The following KCNQ3 variants were observed in gnomAD, a reference collection of about 807,000 sequenced individuals.
KCNQ3 encodes potassium voltage-gated channel subfamily KQT member 3.
A neutral mutation model predicts 92.5 loss-of-function variants in KCNQ3; 30 were observed. The ratio of observed to expected loss-of-function variants is 0.32; its 90% CI spans 0.24 to 0.44. The LOEUF (loss-of-function observed/expected upper bound fraction) is 0.44, where lower values mean the gene tolerates loss of function less well. Ranked by LOEUF, KCNQ3 falls within the 20% of genes least tolerant of loss-of-function variation. The pLI is 1.00. For synonymous variants in KCNQ3, 450 were observed against 468.8 expected (o/e 0.96, Z 0.52); for missense variants, 913 against 1,140.3 (o/e 0.80, Z 2.87).
intron 1 of KCNQ3, among the ~76,000 whole-genome samples, chr8:132,390,692 CAG>C (rs1262757652): frequency 6.6e-6 from 1 of 152,144 alleles, no homozygotes; most frequent in African/African-American, 2.4e-5. Flanking sequence ...ATTTCCTCTT[CAG>C]TTAAATGAGT....
intron 1 of KCNQ3, among the ~76,000 whole-genome samples, chr8:132,423,327 T>C (rs1021898385): frequency 6.6e-6 from 1 of 152,144 alleles, no homozygotes; most frequent in Non-Finnish European, 1.5e-5. Context: ...TCCCATTGAG[T>C]TGGGTCCACA....
chr8:132,480,393 G>T lies in KCNQ3; in HGVS notation c.140C>A (p.Pro47His). ...GDEERKVGLAPGDVEQVTLAL... is the reference protein window; with the variant it reads ...GDEERKVGLAHGDVEQVTLAL... ...CAAGGTGACTTGCTCCACGTCGCCG[G>T]GCGCCAGCCCCACTTTCCGCTCCTC... Residue 47 changes from proline to histidine, a missense_variant, in exon 1 of 15, where the codon CCC becomes CAC. Coordinates refer to ENST00000388996, the MANE Select transcript of KCNQ3 (RefSeq NM_004519.4). 1 of 1,551,458 alleles carries T rather than the reference G, an allele frequency of 6.4e-7. No homozygotes were observed. The highest frequency in any genetic ancestry group is 1.2e-5 in the South Asian group (1 of 85,218).
intron 1 of KCNQ3, among the ~76,000 whole-genome samples, chr8:132,428,689 C>T (rs1354133522): frequency 1.3e-5 from 2 of 152,192 alleles, no homozygotes; most frequent in Non-Finnish European, 2.9e-5. Context: ...TGTATACGTA[C>T]ATTTACATTT....
chr8:132,345,843 A>T (rs1563870950), intron 1 of KCNQ3, among the ~76,000 whole-genome samples: 2 of 152,148 alleles, frequency 1.3e-5, no homozygotes, highest in Admixed American at 6.5e-5. Context: ...ACTGATAATG[A>T]TGATGATAAT....
chr8:132,273,999 C>T (rs1248256590), intron 1 of KCNQ3, among the ~76,000 whole-genome samples: 1 of 152,188 alleles, frequency 6.6e-6, no homozygotes, highest in Non-Finnish European at 1.5e-5. Flanking sequence ...ATTTTCCTGT[C>T]TTCTGAGCCC....
chr8:132,233,628 A>C (rs1814712649), intron 1 of KCNQ3, among the ~76,000 whole-genome samples: 1 of 152,200 alleles, frequency 6.6e-6, no homozygotes, highest in South Asian at 2.1e-4. Flanking sequence ...TAAGAAGAAA[A>C]AGCAGAGACC....
At position 132,342,214 on chromosome 8, in the gene KCNQ3, CCTCT is replaced by C. The variant is rs369516023; in HGVS notation, c.386+137929_386+137932del. Reference sequence around the variant, plus strand: ...CTCTAGCTCAAACCCAAACCATGACCCTCTCTCTTTCTTTCACCATATCTCCTTT... The same window carrying C: ...CTCTAGCTCAAACCCAAACCATGACCCTCTTTCTTTCACCATATCTCCTTT... On this transcript the variant is annotated intron_variant, in intron 1 of 14. Transcript: ENST00000388996. 6.7e-3 allele frequency among the ~76,000 whole-genome samples: 1,026 copies of C among 152,174 alleles called. 11 individuals are homozygous for C. The highest frequency in any genetic ancestry group is 0.027 in the Middle Eastern group (8 of 292).
Position 132,295,152 on chromosome 8 carries a change from A to G in KCNQ3, c.387-108971T>C, listed in dbSNP as rs534428802. On this transcript the variant is annotated intron_variant, in intron 1 of 14. Coordinates refer to ENST00000388996, the MANE Select transcript of KCNQ3 (RefSeq NM_004519.4). ...CAATCTGTCCATCTGACAAAGGTCT[A>G]ATATACAGAATCTACAAGGAACTTA... Among the ~76,000 whole-genome samples the G allele has an allele frequency of 2.6e-5, 4 of 152,370 alleles. No homozygotes were observed. In the East Asian group the frequency reaches 5.8e-4, roughly 22 times the overall value.
intron 1 of KCNQ3, among the ~76,000 whole-genome samples, chr8:132,440,618 C>T (rs960041047): frequency 1.4e-4 from 21 of 152,274 alleles, no homozygotes; most frequent in Middle Eastern, 3.4e-3. Context: ...CCTTTCCCCA[C>T]GCCACGAAGA....
chr8:132,362,167 A>G (rs1285663443), intron 1 of KCNQ3, among the ~76,000 whole-genome samples: 1 of 152,074 alleles, frequency 6.6e-6, no homozygotes, highest in African/African-American at 2.4e-5. Context: ...TTTTTCTATT[A>G]TTTATTTTAC....
chr8:132,240,150 G>A (rs932681641), intron 1 of KCNQ3, among the ~76,000 whole-genome samples: 2 of 151,586 alleles, frequency 1.3e-5, no homozygotes, highest in African/African-American at 4.8e-5. Flanking sequence ...CAGCTTGGGA[G>A]GATGGCATAT....
intron 3 of KCNQ3, among the ~76,000 whole-genome samples, chr8:132,183,041 G>A (rs1393177782): frequency 6.6e-6 from 1 of 152,160 alleles, no homozygotes; most frequent in African/African-American, 2.4e-5. Context: ...ACTCCAGGCT[G>A]CACAGACAGA....
rs924918012 is a variant in KCNQ3, at chr8:132,127,654, T to G, written c.*1608A>C. The G allele has an allele frequency of 2.0e-5, 3 of 152,252 alleles. No individual in the cohort carries two copies. The highest frequency in any genetic ancestry group is 7.2e-5 in the African/African-American group (3 of 41,466). 9.4% of individuals were successfully genotyped at this position (152,252 alleles called of 1,614,324 possible). ...TTATCTTGATTGTCACCATGGCAAC[T>G]ATCCACAACCAGTGCCTAGGTGTGT... On this transcript the variant is annotated 3_prime_UTR_variant, in exon 15 of 15. Coordinates refer to ENST00000388996, the MANE Select transcript of KCNQ3 (RefSeq NM_004519.4).
At chr8:132,367,401 G>A (rs571326768) in intron 1 of KCNQ3, among the ~76,000 whole-genome samples, 13 of 152,204 alleles carry the variant, frequency 8.5e-5, no homozygotes, top group Non-Finnish European at 1.6e-4. Context: ...CACTCATTAA[G>A]TCATTCAGTC....
Position 132,172,604 on chromosome 8 carries a change from G to T in KCNQ3, c.1134C>A (p.Leu378=). Residue 378 remains leucine (L), a synonymous_variant, in exon 7 of 15, where the codon CTC becomes CTA. Transcript: ENST00000388996. ...FEKRRKPAAE[L]IQAAWRYYAT... ...CATTCCCAGGCAGACAGACCTGAAT[G>T]AGCTCAGCAGCTGGCTTCCTCCTTT... 1 of 1,613,866 alleles carries T rather than the reference G, an allele frequency of 6.2e-7. No homozygotes were observed.
intron 9 of KCNQ3, among the ~76,000 whole-genome samples, chr8:132,154,860 C>T (rs1320833881): frequency 6.6e-6 from 1 of 152,182 alleles, no homozygotes; most frequent in East Asian, 1.9e-4. Flanking sequence ...GAGAAGAACT[C>T]ATTTTTTTCC....
chr8:132,435,427 G>C (rs1391709708), intron 1 of KCNQ3, among the ~76,000 whole-genome samples: 2 of 152,152 alleles, frequency 1.3e-5, no homozygotes, highest in Non-Finnish European at 2.9e-5. Context: ...AAAGCTCAGA[G>C]AGCTTAAGGA....
intron 9 of KCNQ3, among the ~76,000 whole-genome samples, chr8:132,146,748 CT>C (rs1825462806): frequency 6.6e-6 from 1 of 152,086 alleles, no homozygotes; most frequent in Non-Finnish European, 1.5e-5. Context: ...ATCACCACAC[CT>C]GGCTAATTTT....
At chr8:132,410,741 G>C (rs986930239) in intron 1 of KCNQ3, among the ~76,000 whole-genome samples, 1 of 152,250 alleles carries the variant, frequency 6.6e-6, no homozygotes, top group African/African-American at 2.4e-5. Flanking sequence ...GATATGCTGA[G>C]TTCCCCCAAT....
Sources: gnomAD v4.1 joint callset for allele counts (sites outside exome capture counted in the v4.1 genomes callset) on GRCh38, gnomAD v4.1.1 for gene constraint, MANE v1.5 for transcripts, NCBI Gene and HGNC (gene_info 2026-07-23, HGNC 2026-07-21) for gene names.